Variants in NCKAP5 observed in about 807,000 individuals in gnomAD.
The protein encoded by NCKAP5 is NCK associated protein 5.
Under a neutral mutation model 167.0 loss-of-function variants are expected in NCKAP5, and 92 were observed. That is an observed-to-expected ratio of 0.55 (90% CI 0.47 to 0.66). NCKAP5 has a LOEUF of 0.66. Among genes scored for constraint, NCKAP5 ranks in the 30% least tolerant of loss-of-function variants. The pLI is 0.00. For missense variants in NCKAP5, 2,378 were observed against 2,315.0 expected (o/e 1.03, Z -0.56); for synonymous variants, 891 against 877.4 (o/e 1.02, Z -0.27).
chr2:133,250,533 C>T, intron 4 of NCKAP5, among the ~76,000 whole-genome samples: 1 of 152,270 alleles, frequency 6.6e-6, no homozygotes, highest in Admixed American at 6.5e-5. Flanking sequence ...GCAGGGCCAC[C>T]TGCTTCTGAG....
intron 6 of NCKAP5, among the ~76,000 whole-genome samples, chr2:133,036,491 C>T (rs1052359068): frequency 6.6e-6 from 1 of 151,854 alleles, no homozygotes; most frequent in African/African-American, 2.4e-5. Flanking sequence ...TGTTTTTATC[C>T]CTGGGATGCA....
At chr2:132,989,986 C>G (rs2077404638) in intron 7 of NCKAP5, among the ~76,000 whole-genome samples, 1 of 151,960 alleles carries the variant, frequency 6.6e-6, no homozygotes, top group African/African-American at 2.4e-5. Context: ...CATTGAGTTC[C>G]ATGTTCCATA....
the NCKAP5 span, among the ~76,000 whole-genome samples, chr2:133,664,498 T>TTTTTG: frequency 6.6e-6 from 1 of 152,146 alleles, no homozygotes; most frequent in Admixed American, 6.5e-5. Flanking sequence ...AAATCTGTTC[T>TTTTTG]TTTTGTTTTG....
chr2:132,810,872 G>A (rs1260746035), intron 11 of NCKAP5, among the ~76,000 whole-genome samples: 3 of 152,144 alleles, frequency 2.0e-5, no homozygotes, highest in Non-Finnish European at 2.9e-5. Context: ...ACCAGGGTTG[G>A]TTTTCTGGTT....
intron 3 of NCKAP5, among the ~76,000 whole-genome samples, chr2:133,386,358 T>A (rs1686964719): frequency 1.3e-5 from 2 of 152,252 alleles, no homozygotes; most frequent in Non-Finnish European, 2.9e-5. Flanking sequence ...TTGAGCAGTT[T>A]TGATTGAGTT....
chr2:133,386,874 CTTTT>C (rs754247047), intron 3 of NCKAP5, among the ~76,000 whole-genome samples: 68 of 151,882 alleles, frequency 4.5e-4, no homozygotes, highest in Admixed American at 1.4e-3. Flanking sequence ...CAACCCCTGC[CTTTT>C]TTTTGTTTTC....
chr2:133,255,385 A>C (rs1220157932), intron 4 of NCKAP5, among the ~76,000 whole-genome samples: 1 of 152,248 alleles, frequency 6.6e-6, no homozygotes. Context: ...TTCTTTATTA[A>C]TATTTTTGGA....
At chr2:133,113,262 G>T (rs1352804455) in intron 6 of NCKAP5, among the ~76,000 whole-genome samples, 1 of 151,964 alleles carries the variant, frequency 6.6e-6, no homozygotes. Flanking sequence ...AAACAGATGG[G>T]CAGCTAAATC....
intron 3 of NCKAP5, among the ~76,000 whole-genome samples, chr2:133,516,359 T>G (rs1339348923): frequency 1.3e-5 from 2 of 152,146 alleles, no homozygotes; most frequent in Non-Finnish European, 2.9e-5. Flanking sequence ...TGGGGTCAGA[T>G]CTACGGAGAG....
chr2:133,024,503 T>C (rs185489888), intron 6 of NCKAP5, among the ~76,000 whole-genome samples: 59 of 152,336 alleles, frequency 3.9e-4, no homozygotes, highest in African/African-American at 1.4e-3. Flanking sequence ...ATATCTTTCA[T>C]TAAAGATAAA....
At chr2:132,797,588 T>C (rs569922693) in intron 11 of NCKAP5, among the ~76,000 whole-genome samples, 1 of 152,178 alleles carries the variant, frequency 6.6e-6, no homozygotes, top group South Asian at 2.1e-4. Context: ...TCTAATTGAG[T>C]AAGTAAATAA....
At chr2:133,476,738 G>T (rs981086030) in intron 3 of NCKAP5, among the ~76,000 whole-genome samples, 4 of 152,068 alleles carry the variant, frequency 2.6e-5, no homozygotes, top group African/African-American at 9.7e-5. Flanking sequence ...CCCCTTTCTC[G>T]TGGAATAGGC....
At chr2:133,183,145 C>G (rs2150043597) in intron 5 of NCKAP5, among the ~76,000 whole-genome samples, 1 of 152,096 alleles carries the variant, frequency 6.6e-6, no homozygotes, top group South Asian at 2.1e-4. Flanking sequence ...AAAGAAATCT[C>G]CAGGCACAGA....
At chr2:133,396,952 T>TA (rs1346351585) in intron 3 of NCKAP5, among the ~76,000 whole-genome samples, 1 of 152,140 alleles carries the variant, frequency 6.6e-6, no homozygotes, top group African/African-American at 2.4e-5. Flanking sequence ...GAGATAGAGA[T>TA]AAAATCCCTA....
intron 16 of NCKAP5, among the ~76,000 whole-genome samples, chr2:132,733,608 G>C (rs1313321417): frequency 6.6e-6 from 1 of 152,180 alleles, no homozygotes; most frequent in East Asian, 1.9e-4. Flanking sequence ...AATGCACAAA[G>C]TATTTAGTAT....
chr2:133,045,394 TAC>T (rs2079362914), intron 6 of NCKAP5, among the ~76,000 whole-genome samples: 2 of 150,194 alleles, frequency 1.3e-5, no homozygotes, highest in African/African-American at 5.0e-5. Context: ...TATATATATA[TAC>T]ATAATTAAGA....
intron 11 of NCKAP5, among the ~76,000 whole-genome samples, chr2:132,811,526 TG>T (rs1277130243): frequency 2.0e-5 from 3 of 151,780 alleles, no homozygotes; most frequent in Non-Finnish European, 4.4e-5. Flanking sequence ...GTCAGGGAAG[TG>T]GGGGAAAGCC....
chr2:133,166,250 C>T (rs545976469), intron 5 of NCKAP5, among the ~76,000 whole-genome samples: 1 of 152,160 alleles, frequency 6.6e-6, no homozygotes, highest in Admixed American at 6.5e-5. Context: ...TCAGTAAAAC[C>T]ATTACTTTAA....
At chr2:133,065,816 G>T (rs565553281) in intron 6 of NCKAP5, among the ~76,000 whole-genome samples, 3 of 152,140 alleles carry the variant, frequency 2.0e-5, no homozygotes, top group African/African-American at 7.2e-5. Context: ...GTAGAGTCTT[G>T]TCTGGCATTT....
Sources: allele counts gnomAD v4.1 joint callset (sites outside exome capture counted in the v4.1 genomes callset), GRCh38; gene constraint gnomAD v4.1.1; transcripts MANE v1.5; gene names NCBI Gene and HGNC (gene_info 2026-07-23, HGNC 2026-07-21).